The following FBXL17 variants were observed in gnomAD, a reference collection of about 807,000 sequenced individuals.
FBXL17 encodes the protein F-box/LRR-repeat protein 17.
In FBXL17, 22 loss-of-function variants were observed where a neutral mutation model predicts 66.2. The ratio of observed to expected loss-of-function variants is 0.33; its 90% confidence interval spans 0.24 to 0.47. The LOEUF (loss-of-function observed/expected upper bound fraction) is 0.47. Ranked by LOEUF, FBXL17 falls within the 20% of genes least tolerant of loss-of-function variation. FBXL17 has a pLI of 1.00. For missense variants in FBXL17, 878 were observed against 948.2 expected (o/e 0.93, Z 0.97); for synonymous variants, 474 against 400.5 (o/e 1.18, Z -2.19).
At chr5:108,134,344 A>G (rs1751050341) in intron 6 of FBXL17, among the ~76,000 whole-genome samples, 2 of 152,198 alleles carry the variant, frequency 1.3e-5, no homozygotes, top group Admixed American at 6.5e-5. Context: ...ATTATTTCAT[A>G]ATGCAAATAA....
intron 7 of FBXL17, among the ~76,000 whole-genome samples, chr5:107,999,963 T>G (rs185034738): frequency 6.6e-6 from 1 of 152,074 alleles, no homozygotes; most frequent in Non-Finnish European, 1.5e-5. Context: ...AAAGACAAGG[T>G]GGGTAGAAAC....
intron 4 of FBXL17, among the ~76,000 whole-genome samples, chr5:108,326,770 T>A (rs1759876469): frequency 6.6e-6 from 1 of 152,146 alleles, no homozygotes; most frequent in South Asian, 2.1e-4. Flanking sequence ...AAGGTACCAC[T>A]ACACACCCAC....
At chr5:107,951,600 C>G (rs1370338639) in intron 7 of FBXL17, among the ~76,000 whole-genome samples, 2 of 152,196 alleles carry the variant, frequency 1.3e-5, no homozygotes, top group Non-Finnish European at 2.9e-5. Context: ...GTGCCCTGAG[C>G]AGATGGCCAA....
At chr5:108,290,271 T>C (rs535963506) in intron 4 of FBXL17, among the ~76,000 whole-genome samples, 3 of 152,246 alleles carry the variant, frequency 2.0e-5, no homozygotes, top group South Asian at 4.1e-4. Flanking sequence ...CACACAATAC[T>C]GGGCGTGAAT....
At chr5:108,099,902 T>C (rs1246372177) in intron 6 of FBXL17, among the ~76,000 whole-genome samples, 3 of 152,218 alleles carry the variant, frequency 2.0e-5, no homozygotes, top group Non-Finnish European at 4.4e-5. Context: ...TGATAAATCA[T>C]AACCATAAGA....
At chr5:108,232,785 A>ATATATATATATATATATATATAT (rs1755407204) in intron 4 of FBXL17, among the ~76,000 whole-genome samples, 1 of 96,540 alleles carries the variant, frequency 1.0e-5, no homozygotes, top group South Asian at 3.4e-4. Context: ...GCTCTCACAT[A>ATATATATATATATATATATATAT]TATATATATA....
At chr5:107,880,861 G>C (rs1422313834) in intron 8 of FBXL17, 176 bp downstream of exon 8, 5 of 1,404,308 alleles carry the variant, frequency 3.6e-6, no homozygotes, top group South Asian at 1.8e-5. Flanking sequence ...GATAATCTCA[G>C]ATTAGTTTAC....
rs553459724 is a variant in FBXL17, at chr5:108,357,811, TTAA to T, written c.1374+6924_1374+6926del. On this transcript the variant is annotated intron_variant, in intron 3 of 8. Coordinates refer to ENST00000542267, the MANE Select transcript of FBXL17 (RefSeq NM_001163315.3). ...TAGGTATACATGAATGACACGTTTCTTAATAACACATGGGTAAAAGAAGAAACT... is the reference window on the plus strand; with the variant it reads ...TAGGTATACATGAATGACACGTTTCTTAACACATGGGTAAAAGAAGAAACT... 7.9e-5 allele frequency among the ~76,000 whole-genome samples: 12 copies of T among 152,152 alleles called. No homozygotes were observed. In the South Asian group the frequency reaches 2.5e-3, roughly 32 times the overall value.
intron 5 of FBXL17, among the ~76,000 whole-genome samples, chr5:108,209,940 C>T (rs1754293434): frequency 6.6e-6 from 1 of 151,966 alleles, no homozygotes; most frequent in Non-Finnish European, 1.5e-5. Context: ...CGTCTGGTCC[C>T]AGACTTTTTT....
chr5:107,906,599 G>A (rs764146733), intron 7 of FBXL17, among the ~76,000 whole-genome samples: 2 of 152,146 alleles, frequency 1.3e-5, no homozygotes, highest in Non-Finnish European at 2.9e-5. Flanking sequence ...CAGGACTGGA[G>A]TCCAGGTCTG....
At chr5:108,022,143 TGA>T (rs920508707) in intron 6 of FBXL17, among the ~76,000 whole-genome samples, 21 of 151,902 alleles carry the variant, frequency 1.4e-4, no homozygotes, top group Non-Finnish European at 7.4e-5. Context: ...TTTAATGGAA[TGA>T]TAAACATTTC....
intron 6 of FBXL17, among the ~76,000 whole-genome samples, chr5:108,120,805 T>G (rs151091818): frequency 0.01 from 1,533 of 152,184 alleles, 22 homozygotes; most frequent in African/African-American, 0.035. Flanking sequence ...AGACTCTGTC[T>G]CTAAATAAAT....
At chr5:107,900,425 T>A (rs545226221) in intron 7 of FBXL17, among the ~76,000 whole-genome samples, 32 of 152,288 alleles carry the variant, frequency 2.1e-4, no homozygotes, top group African/African-American at 7.5e-4. Flanking sequence ...ATATATACAG[T>A]TATAAACAAA....
At position 108,183,802 on chromosome 5, in the gene FBXL17, G is replaced by A. The variant is rs1179811777; in HGVS notation, c.1745+2315C>T. On this transcript the variant is annotated intron_variant, in intron 6 of 8. Coordinates refer to ENST00000542267, the MANE Select transcript of FBXL17 (RefSeq NM_001163315.3). The stretch of plus-strand genomic sequence containing the variant: ...CCAGTAGTTCAACGCCCACTCGTAA[G>A]TGAGACATATGGTATTTGGTTTTTG... Among the ~76,000 whole-genome samples the A allele has an allele frequency of 2.0e-5, 3 of 152,252 alleles. No individual in the cohort carries two copies. The East Asian group carries it at 5.8e-4, about 29-fold the overall frequency.
At chr5:107,939,639 C>T (rs1055215477) in intron 7 of FBXL17, among the ~76,000 whole-genome samples, 1 of 152,172 alleles carries the variant, frequency 6.6e-6, no homozygotes, top group South Asian at 2.1e-4. Flanking sequence ...TACGGAGGAT[C>T]ACCCTGTCTC....
chr5:107,898,610 A>G (rs1216180841), intron 7 of FBXL17, among the ~76,000 whole-genome samples: 2 of 151,948 alleles, frequency 1.3e-5, no homozygotes, highest in Non-Finnish European at 2.9e-5. Context: ...TCCTAATGCT[A>G]CCCCTACCCT....
intron 4 of FBXL17, among the ~76,000 whole-genome samples, chr5:108,262,436 T>C (rs1175840016): frequency 6.6e-6 from 1 of 152,032 alleles, no homozygotes; most frequent in Non-Finnish European, 1.5e-5. Flanking sequence ...TACATCAAAA[T>C]TGTCAAAAGA....
At chr5:108,194,625 A>G (rs972154342) in intron 5 of FBXL17, among the ~76,000 whole-genome samples, 4 of 152,140 alleles carry the variant, frequency 2.6e-5, no homozygotes, top group Admixed American at 1.3e-4. Flanking sequence ...GCTCAGGATC[A>G]ATCTCTCATC....
At chr5:108,265,712 GTTTTCTT>G (rs1267927847) in intron 4 of FBXL17, among the ~76,000 whole-genome samples, 1 of 152,058 alleles carries the variant, frequency 6.6e-6, no homozygotes, top group East Asian at 1.9e-4. Flanking sequence ...ATCAGGATCT[GTTTTCTT>G]TTTTGTTTGA....
Sources: gnomAD v4.1 joint callset for allele counts (sites outside exome capture counted in the v4.1 genomes callset) on GRCh38, gnomAD v4.1.1 for gene constraint, MANE v1.5 for transcripts, NCBI Gene and HGNC (gene_info 2026-07-23, HGNC 2026-07-21) for gene names.